Variants in HDDC2 observed in about 807,000 individuals in gnomAD.
HDDC2 encodes the protein 5'-deoxynucleotidase HDDC2.
HDDC2 carries 25 observed loss-of-function variants against 25.5 expected under a neutral mutation model. The ratio of observed to expected loss-of-function variants is 0.98; its 90% CI spans 0.72 to 1.37. HDDC2 has a LOEUF of 1.37. HDDC2 is among the 40% of genes most tolerant of loss of function. The pLI, the probability that HDDC2 is intolerant of heterozygous loss-of-function variation, is 0.00. For missense variants in HDDC2, 264 were observed against 253.1 expected, an observed-to-expected ratio of 1.04 and a Z score of -0.29; for synonymous variants, 106 against 89.7, an observed-to-expected ratio of 1.18 and a Z score of -1.03.
chr6:125,292,704 G>C, intron 4 of HDDC2, 137 bp downstream of exon 4: 1 of 706,328 alleles, frequency 1.4e-6, no homozygotes, highest in Admixed American at 2.4e-5. Context: ...CAGCAGCTGG[G>C]AAGTGAGAAA....
At position 125,276,031 on chromosome 6, in the gene HDDC2, T is replaced by A. The variant is rs1016020486; in HGVS notation, c.*115A>T. ...CATTTCTTGCTGAAGTTCAGACAAT[T>A]GAAAACAAACAGACTCACATCTAGG... On this transcript the variant is annotated 3_prime_UTR_variant, in exon 6 of 6. Transcript: ENST00000398153. The A allele has an allele frequency of 2.2e-5, 17 of 766,778 alleles. No individual in the cohort carries two copies. Among genetic ancestry groups the A allele is most frequent in the Non-Finnish European group, 3.7e-5 (17 of 453,772 alleles). The allele number at this position is 766,778 out of a possible 1,614,324, so 47.5% of individuals were successfully genotyped here.
chr6:125,280,330 G>A (rs986171042), intron 4 of HDDC2, among the ~76,000 whole-genome samples: 2 of 152,140 alleles, frequency 1.3e-5, no homozygotes, highest in African/African-American at 4.8e-5. Flanking sequence ...GGCAGACACC[G>A]AGCTAGCTAC....
At chr6:125,290,780 T>C (rs1425889240) in intron 4 of HDDC2, among the ~76,000 whole-genome samples, 1 of 152,248 alleles carries the variant, frequency 6.6e-6, no homozygotes, top group African/African-American at 2.4e-5. Context: ...GCTTCATTAA[T>C]TCAACCAATG....
chr6:125,277,277 C>T (rs891452070), intron 4 of HDDC2, 37 bp from the exon 5 acceptor site: 1 of 1,608,124 alleles, frequency 6.2e-7, no homozygotes, highest in Non-Finnish European at 8.5e-7. Context: ...ATGATTAGCG[C>T]TGCATAATAG....
At chr6:125,283,348 T>C (rs1264441283) in intron 4 of HDDC2, among the ~76,000 whole-genome samples, 3 of 152,198 alleles carry the variant, frequency 2.0e-5, no homozygotes, top group African/African-American at 4.8e-5. Context: ...ATAAAGAGTA[T>C]TCAAATAGGA....
chr6:125,277,080 T>A (rs1345352271), intron 5 of HDDC2, 22 bp downstream of exon 5: 1 of 1,613,136 alleles, frequency 6.2e-7, no homozygotes, highest in Non-Finnish European at 8.5e-7. Flanking sequence ...AATGGACTCT[T>A]GTTGAAAATG....
At position 125,292,886 on chromosome 6, in the gene HDDC2, C is replaced by A; in HGVS notation, c.333G>T (p.Gln111His). Residue 111 changes from glutamine (Q) to histidine (H), a missense_variant, in exon 4 of 6, where the codon CAG becomes CAT. Physicochemically the swap from Gln to His is conservative, Grantham distance 24 (BLOSUM62 0). Transcript: ENST00000398153. ...REEEAMKQIT[Q>H]LLPEDLRKEL... ...CCTTTCTGAGGTCCTCTGGTAGGAG[C>A]TGGGTTATCTGCTTCATAGCTTCCT... 4 of 1,612,914 alleles carry A rather than the reference C, an allele frequency of 2.5e-6. No individual in the cohort carries two copies. The highest frequency in any genetic ancestry group is 3.4e-6 in the Non-Finnish European group (4 of 1,179,094).
At chr6:125,300,433 C>T (rs962687740) in intron 2 of HDDC2, 105 bp downstream of exon 2, 2 of 1,383,654 alleles carry the variant, frequency 1.4e-6, no homozygotes, top group African/African-American at 2.9e-5. Flanking sequence ...TTTTCTTGAC[C>T]TATAAACTAA....
At position 125,284,885 on chromosome 6, in the gene HDDC2, T is replaced by C. The variant is rs554098719; in HGVS notation, c.379-7645A>G. ...CACACGTATGTTTAATGGGGCACTA[T>C]TCACTATAGCAAAGACTTGGAACCA... On this transcript the variant is annotated intron_variant, in intron 4 of 5. Coordinates refer to ENST00000398153, the MANE Select transcript of HDDC2 (RefSeq NM_016063.3). 7.2e-5 allele frequency among the ~76,000 whole-genome samples: 11 copies of C among 152,302 alleles called. No homozygotes were observed. In the South Asian group the frequency reaches 2.3e-3, roughly 32 times the overall value.
intron 5 of HDDC2, 124 bp from the exon 6 acceptor site, chr6:125,276,367 C>A: frequency 1.4e-6 from 1 of 707,176 alleles, no homozygotes; most frequent in Admixed American, 2.5e-5. Context: ...CACTTCATTC[C>A]AAAGCAGAAA....
At chr6:125,284,528 G>T (rs1363696924) in intron 4 of HDDC2, among the ~76,000 whole-genome samples, 1 of 152,136 alleles carries the variant, frequency 6.6e-6, no homozygotes, top group Non-Finnish European at 1.5e-5. Flanking sequence ...CTTTTCAAAA[G>T]AAGACATTTA....
At chr6:125,290,404 T>C (rs1237594490) in intron 4 of HDDC2, among the ~76,000 whole-genome samples, 3 of 152,234 alleles carry the variant, frequency 2.0e-5, no homozygotes, top group African/African-American at 4.8e-5. Context: ...CTGAAACTTA[T>C]GTACCAACAT....
At chr6:125,292,792 T>C in intron 4 of HDDC2, 49 bp downstream of exon 4, 2 of 1,371,188 alleles carry the variant, frequency 1.5e-6, no homozygotes, top group South Asian at 1.2e-5. Context: ...CAGGGAGCCA[T>C]ATAAATTCAG....
chr6:125,288,232 G>A (rs1348447880), intron 4 of HDDC2, among the ~76,000 whole-genome samples: 1 of 152,204 alleles, frequency 6.6e-6, no homozygotes, highest in Non-Finnish European at 1.5e-5. Flanking sequence ...CAAGATAGAT[G>A]CTTGAAGAGA....
intron 3 of HDDC2, among the ~76,000 whole-genome samples, chr6:125,294,666 A>T (rs1485496940): frequency 6.6e-6 from 1 of 152,238 alleles, no homozygotes; most frequent in Non-Finnish European, 1.5e-5. Flanking sequence ...GAATGCAAAC[A>T]TGAAAGTCCT....
intron 1 of HDDC2, 27 bp from the exon 2 acceptor site, chr6:125,300,686 G>A (rs1366663034): frequency 1.2e-6 from 2 of 1,606,698 alleles, no homozygotes; most frequent in Non-Finnish European, 1.7e-6. Context: ...AGAAAAAGAA[G>A]TTTTAAAGAA....
chr6:125,286,140 G>A (rs1173810336), intron 4 of HDDC2, among the ~76,000 whole-genome samples: 2 of 152,190 alleles, frequency 1.3e-5, no homozygotes, highest in African/African-American at 2.4e-5. Context: ...ACTGTTCTGT[G>A]AGGCATTCAT....
At chr6:125,278,496 A>G (rs1798407769) in intron 4 of HDDC2, 1 of 152,250 alleles carries the variant, frequency 6.6e-6, no homozygotes, top group Admixed American at 6.5e-5. Flanking sequence ...CTTTTAAAAG[A>G]AATATAAATT....
chr6:125,276,217 G>A lies in HDDC2; in HGVS notation c.544C>T (p.Gln182Ter), dbSNP rs781747534. 4.3e-6 allele frequency: 7 copies of A among 1,614,068 alleles called. No individual in the cohort carries two copies. In the South Asian group the frequency reaches 7.7e-5, roughly 18 times the overall value. ...AGKFNHPEIV[Q>*]LVSELEAERS... Reference sequence around the variant, plus strand: ...TCTGCCTCAAGTTCAGAAACAAGCTGGACTATCTCAGGGTGATTGAATTTT... The same window carrying A: ...TCTGCCTCAAGTTCAGAAACAAGCTAGACTATCTCAGGGTGATTGAATTTT... Residue 182 changes from glutamine to a stop codon, truncating the protein, a stop_gained, in exon 6 of 6, where the codon CAG becomes TAG. Coordinates refer to ENST00000398153, the MANE Select transcript of HDDC2 (RefSeq NM_016063.3). LOFTEE classifies it high-confidence loss of function.
Sources: gnomAD v4.1 joint callset for allele counts (sites outside exome capture counted in the v4.1 genomes callset) on GRCh38, gnomAD v4.1.1 for gene constraint, MANE v1.5 for transcripts, NCBI Gene and HGNC (gene_info 2026-07-23, HGNC 2026-07-21) for gene names.